The following COL6A6 variants were observed in gnomAD, a reference collection of about 807,000 sequenced individuals.
COL6A6 encodes the protein collagen type VI alpha 6 chain, also known as collagen alpha-6(VI) chain.
A neutral mutation model predicts 208.6 loss-of-function variants in COL6A6; 183 were observed. The ratio of observed to expected loss-of-function variants is 0.88; its 90% confidence interval spans 0.78 to 0.99. The LOEUF (loss-of-function observed/expected upper bound fraction) is 0.99. Among genes scored for constraint, COL6A6 ranks in the 50% least tolerant of loss-of-function variants. The pLI is 0.00. For synonymous variants in COL6A6, 973 were observed against 1,011.8 expected (o/e 0.96, Z 0.73); for missense variants, 2,816 against 2,815.2 (o/e 1.00, Z -0.01).
chr3:130,535,615 T>A (rs2062204750), intron 1 of COL6A6, among the ~76,000 whole-genome samples: 1 of 152,150 alleles, frequency 6.6e-6, no homozygotes, highest in Non-Finnish European at 1.5e-5. Flanking sequence ...GTTTGAGAGA[T>A]TCCTATGCAC....
At chr3:130,562,233 T>C (rs1204732572) in intron 2 of COL6A6, among the ~76,000 whole-genome samples, 1 of 152,238 alleles carries the variant, frequency 6.6e-6, no homozygotes, top group African/African-American at 2.4e-5. Flanking sequence ...AAAAATGTAG[T>C]ACCAGATAAG....
At chr3:130,598,501 A>G in intron 19 of COL6A6, 71 bp downstream of exon 19, 1 of 1,012,150 alleles carries the variant, frequency 9.9e-7, no homozygotes, top group Non-Finnish European at 1.5e-6. Flanking sequence ...TAGAATGTGA[A>G]ATGCTTAACA....
Position 130,574,420 on chromosome 3 carries a change from A to T in COL6A6, c.3442A>T (p.Ile1148Phe), listed in dbSNP as rs2063245946. ...GDVDDQQLIQ[I>F]TGTAEKKLTV... ...TGTGGATGACCAGCAGCTCATTCAG[A>T]TCACCGGGACTGCAGAGAAAAAACT... The change falls in exon 8 of 37, where the codon ATC becomes TTC. Residue 1148 changes from isoleucine to phenylalanine, a missense_variant. Physicochemically the swap from Ile to Phe is conservative, Grantham distance 21. Transcript: ENST00000358511. 2.2e-5 allele frequency: 35 copies of T among 1,613,904 alleles called. No individual in the cohort carries two copies. Among genetic ancestry groups the T allele is most frequent in the Non-Finnish European group, 2.9e-5 (34 of 1,179,910 alleles).
chr3:130,536,852 G>C (rs2062237175), intron 1 of COL6A6, among the ~76,000 whole-genome samples: 1 of 152,222 alleles, frequency 6.6e-6, no homozygotes, highest in East Asian at 1.9e-4. Flanking sequence ...TATGTAATTG[G>C]CCAGAGTGGA....
chr3:130,603,335 T>C (rs1576310980), intron 20 of COL6A6, among the ~76,000 whole-genome samples: 1 of 152,180 alleles, frequency 6.6e-6, no homozygotes, highest in Non-Finnish European at 1.5e-5. Flanking sequence ...TCTCCAGATA[T>C]TGCTAAGTGT....
intron 8 of COL6A6, among the ~76,000 whole-genome samples, chr3:130,575,992 C>G (rs2063287032): frequency 6.6e-6 from 1 of 152,100 alleles, no homozygotes; most frequent in Non-Finnish European, 1.5e-5. Flanking sequence ...CAGCTTTGTT[C>G]TGCTGAGGTT....
chr3:130,670,009 T>A (rs570839228), intron 36 of COL6A6, among the ~76,000 whole-genome samples: 2 of 152,348 alleles, frequency 1.3e-5, no homozygotes, highest in East Asian at 3.9e-4. Context: ...TGCATGGTGA[T>A]CAAGGCCAGG....
chr3:130,527,890 C>CTTTTTTTTTTTTTTTTTTTTT (rs56110472), intron 1 of COL6A6, among the ~76,000 whole-genome samples: 6 of 57,838 alleles, frequency 1.0e-4, no homozygotes, highest in African/African-American at 1.2e-4. Context: ...GTTACTTTTC[C>CTTTTTTTTTTTTTTTTTTTTT]TTTTTTTTTT....
intron 1 of COL6A6, among the ~76,000 whole-genome samples, chr3:130,531,476 T>G (rs908342035): frequency 1.3e-5 from 2 of 152,198 alleles, no homozygotes; most frequent in African/African-American, 2.4e-5. Context: ...TTCACTCCCA[T>G]TGAACCAGTG....
chr3:130,517,741 G>A (rs1397404463), intron 1 of COL6A6, among the ~76,000 whole-genome samples: 14 of 152,260 alleles, frequency 9.2e-5, no homozygotes, highest in Non-Finnish European at 2.1e-4. Flanking sequence ...TGTCCTCACA[G>A]CACAGGGCCT....
intron 23 of COL6A6, among the ~76,000 whole-genome samples, chr3:130,611,993 C>T (rs780629566): frequency 6.6e-6 from 1 of 152,050 alleles, no homozygotes; most frequent in Non-Finnish European, 1.5e-5. Flanking sequence ...TCCATGTGTT[C>T]TTGTTGTTTG....
rs1370467486 is a variant in COL6A6 at position 130,586,658 on chromosome 3, C to T, written c.4123C>T (p.Leu1375=). 5.0e-6 allele frequency: 8 copies of T among 1,611,084 alleles called. No individual in the cohort carries two copies. The highest frequency in any genetic ancestry group is 5.9e-6 in the Non-Finnish European group (7 of 1,178,860). The change falls in exon 11 of 37, where the codon CTG becomes TTG. Residue 1375 remains leucine (L), a splice_region_variant and synonymous_variant. Transcript: ENST00000358511. ...RELGSRLSKQ[L]VNVAERTCCC... Reference sequence around the variant, plus strand: ...ACTTGGAAGCCGGCTGTCAAAGCAGCTGGTAAGTTATTCTGAAAAGGCTGG... The same window carrying T: ...ACTTGGAAGCCGGCTGTCAAAGCAGTTGGTAAGTTATTCTGAAAAGGCTGG...
At chr3:130,646,981 C>T (rs1397194214) in intron 32 of COL6A6, among the ~76,000 whole-genome samples, 2 of 152,142 alleles carry the variant, frequency 1.3e-5, no homozygotes, top group Non-Finnish European at 2.9e-5. Flanking sequence ...AATATGGTGG[C>T]GACCTGGATA....
chr3:130,586,500 G>A lies in COL6A6; in HGVS notation c.3971-6G>A. On this transcript the variant is annotated splice_region_variant and splice_polypyrimidine_tract_variant and intron_variant, in intron 10 of 36. Coordinates refer to ENST00000358511, the MANE Select transcript of COL6A6 (RefSeq NM_001102608.3). ...CACCTGGAACATTGTAAACTGTGTT[G>A]GATAGGCCTGAATGCCCTCATAACT... 1 of 1,609,832 alleles carries A rather than the reference G, an allele frequency of 6.2e-7. No individual in the cohort carries two copies. The highest frequency in any genetic ancestry group is 8.5e-7 in the Non-Finnish European group (1 of 1,178,560).
At chr3:130,612,020 G>A (rs2064373887) in intron 23 of COL6A6, among the ~76,000 whole-genome samples, 1 of 152,138 alleles carries the variant, frequency 6.6e-6, no homozygotes, top group Non-Finnish European at 1.5e-5. Flanking sequence ...ACTTATAAGT[G>A]AGAACATGTG....
intron 24 of COL6A6, among the ~76,000 whole-genome samples, chr3:130,625,875 A>G (rs1199390033): frequency 6.6e-6 from 1 of 152,244 alleles, no homozygotes; most frequent in Non-Finnish European, 1.5e-5. Flanking sequence ...GTGGACATAC[A>G]GGAACTTTCC....
At position 130,570,803 on chromosome 3, in the gene COL6A6, CTCTT is replaced by C; in HGVS notation, c.2402-14_2402-11del. The C allele has an allele frequency of 6.3e-7, 1 of 1,594,356 alleles. No homozygotes were observed. Among genetic ancestry groups the C allele is most frequent in the Non-Finnish European group, 8.6e-7 (1 of 1,168,270 alleles). On this transcript the variant is annotated splice_polypyrimidine_tract_variant and intron_variant, in intron 6 of 36. Coordinates refer to ENST00000358511, the MANE Select transcript of COL6A6 (RefSeq NM_001102608.3). ...AGCTAATCTCATATGGTTTACCTCT[CTCTT>C]CCTCTTTCAGAATGCAAGCGGATTG...
At chr3:130,594,544 G>A (rs1187742989) in intron 18 of COL6A6, 1 of 419,244 alleles carries the variant, frequency 2.4e-6, no homozygotes, top group Non-Finnish European at 4.3e-6. Context: ...GCCCTTACAT[G>A]TCTTTTGCAA....
intron 1 of COL6A6, among the ~76,000 whole-genome samples, chr3:130,540,683 T>C (rs56038448): frequency 0.027 from 4,107 of 151,678 alleles, 74 homozygotes; most frequent in Middle Eastern, 0.054. Flanking sequence ...ACAGGCTCCA[T>C]TGTGTGTTGT....
Sources: allele counts gnomAD v4.1 joint callset (sites outside exome capture counted in the v4.1 genomes callset), GRCh38; gene constraint gnomAD v4.1.1; transcripts MANE v1.5; gene names NCBI Gene and HGNC (gene_info 2026-07-23, HGNC 2026-07-21).